Variants in ARHGAP31 observed in about 807,000 individuals in gnomAD.
The protein encoded by ARHGAP31 is rho GTPase-activating protein 31.
A neutral mutation model predicts 113.9 loss-of-function variants in ARHGAP31; 34 were observed. The ratio of observed to expected loss-of-function variants is 0.30; its 90% CI spans 0.23 to 0.40. The LOEUF (loss-of-function observed/expected upper bound fraction) is 0.40, where lower values mean the gene tolerates loss of function less well. Among genes scored for constraint, ARHGAP31 ranks in the 10% least tolerant of loss-of-function variants. ARHGAP31 has a pLI of 1.00. For missense variants in ARHGAP31, 1,548 were observed against 1,767.1 expected, an observed-to-expected ratio of 0.88 and a Z score of 2.22; for synonymous variants, 650 against 684.8, an observed-to-expected ratio of 0.95 and a Z score of 0.79.
At chr3:119,350,679 G>C (rs2107616586) in intron 1 of ARHGAP31, among the ~76,000 whole-genome samples, 1 of 152,196 alleles carries the variant, frequency 6.6e-6, no homozygotes, top group East Asian at 1.9e-4. Flanking sequence ...AAATAGCCTT[G>C]GGGTTAAGGG....
chr3:119,348,718 T>TA (rs2080084494), intron 1 of ARHGAP31, among the ~76,000 whole-genome samples: 1 of 152,320 alleles, frequency 6.6e-6, no homozygotes, highest in African/African-American at 2.4e-5. Context: ...GTTTAGGGAA[T>TA]AATGACAAGA....
intron 1 of ARHGAP31, among the ~76,000 whole-genome samples, chr3:119,312,161 G>A (rs1458212157): frequency 6.6e-6 from 1 of 152,216 alleles, no homozygotes; most frequent in Non-Finnish European, 1.5e-5. Flanking sequence ...CAAGAGCCAC[G>A]TTTAAAACCA....
At chr3:119,402,637 A>G (rs1212555822) in intron 10 of ARHGAP31, among the ~76,000 whole-genome samples, 1 of 152,200 alleles carries the variant, frequency 6.6e-6, no homozygotes, top group African/African-American at 2.4e-5. Flanking sequence ...TACCTTTTTC[A>G]TAAGTTTGTT....
chr3:119,316,014 A>G (rs1226686296), intron 1 of ARHGAP31, among the ~76,000 whole-genome samples: 1 of 152,198 alleles, frequency 6.6e-6, no homozygotes, highest in Non-Finnish European at 1.5e-5. Flanking sequence ...GATGTTCCCT[A>G]AGGACACAAA....
At chr3:119,302,092 A>G (rs753736125) in intron 1 of ARHGAP31, among the ~76,000 whole-genome samples, 15 of 152,176 alleles carry the variant, frequency 9.9e-5, no homozygotes, top group African/African-American at 3.1e-4. Flanking sequence ...CTTTTTGACT[A>G]TGGGTCCATG....
intron 3 of ARHGAP31, among the ~76,000 whole-genome samples, chr3:119,380,152 G>T (rs1251146544): frequency 6.6e-6 from 1 of 152,150 alleles, no homozygotes; most frequent in Non-Finnish European, 1.5e-5. Flanking sequence ...GAGCAAGTCT[G>T]GGCAAGGCCA....
At chr3:119,378,025 A>G (rs1418157013) in intron 3 of ARHGAP31, among the ~76,000 whole-genome samples, 2 of 152,072 alleles carry the variant, frequency 1.3e-5, no homozygotes, top group African/African-American at 4.8e-5. Context: ...ACCACAGAGG[A>G]CAAGAGCCCA....
At chr3:119,397,408 C>T (rs575482074) in intron 8 of ARHGAP31, among the ~76,000 whole-genome samples, 1 of 152,190 alleles carries the variant, frequency 6.6e-6, no homozygotes, top group Non-Finnish European at 1.5e-5. Flanking sequence ...CAGAGAAATT[C>T]CAGAAATACA....
intron 1 of ARHGAP31, among the ~76,000 whole-genome samples, chr3:119,351,584 T>A (rs2080111132): frequency 3.3e-5 from 5 of 151,130 alleles, no homozygotes; most frequent in Admixed American, 3.3e-4. Context: ...GGTTAATTCA[T>A]CCCCATAAGC....
In ARHGAP31 at chr3:119,349,860, G is replaced by A. The variant is rs911603432; in HGVS notation, c.101-15456G>A. On this transcript the variant is annotated intron_variant, in intron 1 of 11. Coordinates refer to ENST00000264245, the MANE Select transcript of ARHGAP31 (RefSeq NM_020754.4). Reference sequence around the variant, plus strand: ...CAGAAATATATGAGAACCTCCAGGAGAATGCTTTCTGGGCAGGCTTCCCTG... The same window carrying A: ...CAGAAATATATGAGAACCTCCAGGAAAATGCTTTCTGGGCAGGCTTCCCTG... 6.6e-5 allele frequency among the ~76,000 whole-genome samples: 10 copies of A among 152,334 alleles called. No homozygotes were observed. The East Asian group carries it at 1.4e-3, about 21-fold the overall frequency.
chr3:119,351,362 TG>T, intron 1 of ARHGAP31, among the ~76,000 whole-genome samples: 1 of 152,330 alleles, frequency 6.6e-6, no homozygotes, highest in Non-Finnish European at 1.5e-5. Flanking sequence ...GTCTGTGACT[TG>T]GTTTCCCTAG....
At chr3:119,410,193 T>G (rs764198802) in intron 11 of ARHGAP31, among the ~76,000 whole-genome samples, 6 of 152,244 alleles carry the variant, frequency 3.9e-5, no homozygotes, top group Admixed American at 3.3e-4. Context: ...TTGTCTACAC[T>G]TATTTCCAAA....
chr3:119,299,266 A>G (rs2079560142), intron 1 of ARHGAP31, among the ~76,000 whole-genome samples: 1 of 152,244 alleles, frequency 6.6e-6, no homozygotes. Context: ...TGCTCAGATT[A>G]CAGACCATTT....
At chr3:119,315,350 T>G (rs554865904) in intron 1 of ARHGAP31, among the ~76,000 whole-genome samples, 1 of 152,376 alleles carries the variant, frequency 6.6e-6, no homozygotes, top group South Asian at 2.1e-4. Flanking sequence ...CTTGCTCTTC[T>G]CAGTGAGGCC....
chr3:119,363,502 A>T (rs1402493119), intron 1 of ARHGAP31, among the ~76,000 whole-genome samples: 1 of 152,156 alleles, frequency 6.6e-6, no homozygotes, highest in Admixed American at 6.5e-5. Flanking sequence ...TGAGGGGCAA[A>T]CCATGGATGT....
intron 10 of ARHGAP31, among the ~76,000 whole-genome samples, chr3:119,407,770 A>G (rs1295107665): frequency 6.6e-6 from 1 of 152,162 alleles, no homozygotes; most frequent in African/African-American, 2.4e-5. Flanking sequence ...AGAGCAGAAG[A>G]GTGCAAGGCC....
chr3:119,407,797 A>G (rs1236500373), intron 10 of ARHGAP31, among the ~76,000 whole-genome samples: 1 of 152,202 alleles, frequency 6.6e-6, no homozygotes, highest in East Asian at 1.9e-4. Flanking sequence ...GGGGACTGGT[A>G]GAGTAGCAGA....
intron 1 of ARHGAP31, among the ~76,000 whole-genome samples, chr3:119,310,090 T>C (rs2107596988): frequency 6.6e-6 from 1 of 152,274 alleles, no homozygotes; most frequent in East Asian, 1.9e-4. Context: ...TCTCAGTCCG[T>C]CACACTACAC....
chr3:119,329,787 C>A (rs2079875361), intron 1 of ARHGAP31: 2 of 985,034 alleles, frequency 2.0e-6, no homozygotes, highest in South Asian at 9.4e-5. Flanking sequence ...AGTGAAAGGA[C>A]AGACTGTTCT....
Sources: allele counts gnomAD v4.1 joint callset (sites outside exome capture counted in the v4.1 genomes callset), GRCh38; gene constraint gnomAD v4.1.1; transcripts MANE v1.5; gene names NCBI Gene and HGNC (gene_info 2026-07-23, HGNC 2026-07-21).